The following RCN2 variants were observed in gnomAD, a reference collection of about 807,000 sequenced individuals.
RCN2 encodes the protein reticulocalbin 2.
In RCN2, 23 loss-of-function variants were observed where a neutral mutation model predicts 37.5. The ratio of observed to expected loss-of-function variants is 0.61; its 90% CI spans 0.44 to 0.87. The LOEUF (loss-of-function observed/expected upper bound fraction) is 0.87, where lower values mean the gene tolerates loss of function less well. Among genes scored for constraint, RCN2 ranks in the 40% least tolerant of loss-of-function variants. The probability of loss-of-function intolerance (pLI) is 0.00; values close to 1 mark genes in which losing one functional copy is unlikely to be tolerated. For missense variants in RCN2, 381 were observed against 390.4 expected (o/e 0.98, Z 0.20); for synonymous variants, 140 against 144.6 (o/e 0.97, Z 0.23).
chr15:76,934,526 G>T (rs1250189755), intron 2 of RCN2, among the ~76,000 whole-genome samples: 2 of 152,220 alleles, frequency 1.3e-5, no homozygotes, highest in African/African-American at 4.8e-5. Context: ...AGTTAAGACA[G>T]ATAGCTGTTG....
At chr15:76,937,600 G>A in intron 3 of RCN2, among the ~76,000 whole-genome samples, 1 of 151,896 alleles carries the variant, frequency 6.6e-6, no homozygotes, top group Non-Finnish European at 1.5e-5. Flanking sequence ...TAGAGATGGG[G>A]TTTTACCATC....
intron 4 of RCN2, 121 bp from the exon 5 acceptor site, chr15:76,947,300 A>C: frequency 1.6e-6 from 1 of 623,284 alleles, no homozygotes; most frequent in Non-Finnish European, 2.8e-6. Context: ...TGATTGCACC[A>C]CTAGAGCTCC....
chr15:76,932,052 G>T (rs1389387701), intron 1 of RCN2, 67 bp downstream of exon 1: 8 of 1,233,618 alleles, frequency 6.5e-6, no homozygotes, highest in Non-Finnish European at 8.1e-6. Context: ...GCTTTGTCCC[G>T]GGACAAAGGG....
intron 3 of RCN2, among the ~76,000 whole-genome samples, chr15:76,936,500 A>T (rs1568459245): frequency 6.6e-6 from 1 of 152,116 alleles, no homozygotes; most frequent in Non-Finnish European, 1.5e-5. Flanking sequence ...AGTTCACAGT[A>T]GGGTTTGCAC....
intron 3 of RCN2, among the ~76,000 whole-genome samples, chr15:76,938,153 A>G (rs1042088436): frequency 3.9e-5 from 6 of 152,188 alleles, no homozygotes; most frequent in African/African-American, 7.2e-5. Flanking sequence ...GTCCCAAAAT[A>G]TTAGTCAAGG....
In RCN2 at chr15:76,952,144, A is replaced by G. The variant is rs1261771113; in HGVS notation, c.*2922A>G. 1 of 151,754 alleles carries G rather than the reference A, an allele frequency of 6.6e-6. No homozygotes were observed. The highest frequency in any genetic ancestry group is 1.5e-5 in the Non-Finnish European group (1 of 67,998). 9.4% of individuals were successfully genotyped at this position (151,754 alleles called of 1,614,324 possible). On this transcript the variant is annotated 3_prime_UTR_variant, in exon 7 of 7. Coordinates refer to ENST00000394885, the MANE Select transcript of RCN2 (RefSeq NM_002902.3). ...ACAGCCTCCCCCACTATCCTATCCT[A>G]TATGTCATGAGATAGTACCTACCAG...
At chr15:76,943,580 A>T (rs1197084408) in intron 3 of RCN2, 178 bp from the exon 4 acceptor site, 2 of 471,748 alleles carry the variant, frequency 4.2e-6, no homozygotes, top group Non-Finnish European at 7.7e-6. Flanking sequence ...ATATGACTCT[A>T]GAGCTTGTGA....
intron 1 of RCN2, 21 bp downstream of exon 1, chr15:76,932,006 C>A: frequency 1.6e-6 from 2 of 1,250,528 alleles, no homozygotes; most frequent in South Asian, 3.0e-5. Flanking sequence ...CAGGCCGGTG[C>A]TGGGAGGGCC....
At position 76,931,841 on chromosome 15, in the gene RCN2, G is replaced by T; in HGVS notation, c.-1G>T. ...CTCGGTGTCCTCCGCGGGCCGGCGCGATGCGGCTGGGCCCGAGGACCGCGG... is the reference window on the plus strand; with the variant it reads ...CTCGGTGTCCTCCGCGGGCCGGCGCTATGCGGCTGGGCCCGAGGACCGCGG... On this transcript the variant is annotated 5_prime_UTR_variant, in exon 1 of 7. Transcript: ENST00000394885. The T allele has an allele frequency of 5.7e-6, 7 of 1,232,716 alleles. No homozygotes were observed. The highest frequency in any genetic ancestry group is 7.1e-6 in the Non-Finnish European group (7 of 990,954). 76.4% of individuals were successfully genotyped at this position (1,232,716 alleles called of 1,614,324 possible).
chr15:76,936,884 G>C (rs902303324), intron 3 of RCN2, among the ~76,000 whole-genome samples: 1 of 152,022 alleles, frequency 6.6e-6, no homozygotes, highest in Non-Finnish European at 1.5e-5. Flanking sequence ...CAATCTCCCC[G>C]ACTCTTTTCA....
intron 2 of RCN2, 142 bp downstream of exon 2, chr15:76,932,608 A>G: frequency 3.1e-6 from 2 of 638,724 alleles, no homozygotes; most frequent in Admixed American, 5.2e-5. Flanking sequence ...TAGGCTTTAT[A>G]CTTACAAATC....
At chr15:76,941,203 T>C (rs1324688508) in intron 3 of RCN2, among the ~76,000 whole-genome samples, 1 of 151,962 alleles carries the variant, frequency 6.6e-6, no homozygotes, top group African/African-American at 2.4e-5. Context: ...CCAGCTAATT[T>C]TTTAGTAGAG....
rs2075313727 is a variant in RCN2 at position 76,950,156 on chromosome 15, A to G, written c.*934A>G. On this transcript the variant is annotated 3_prime_UTR_variant, in exon 7 of 7. Coordinates refer to ENST00000394885, the MANE Select transcript of RCN2 (RefSeq NM_002902.3). ...GTGGTTTTGCTCTTTGGGGCTATAAATAATCTTGAGTAACGCAGGTTGGAA... is the reference window on the plus strand; with the variant it reads ...GTGGTTTTGCTCTTTGGGGCTATAAGTAATCTTGAGTAACGCAGGTTGGAA... 6.6e-6 allele frequency: 1 copy of G among 152,162 alleles called. No individual in the cohort carries two copies. The highest frequency in any genetic ancestry group is 2.1e-4 in the South Asian group (1 of 4,826). The allele number at this position is 152,162 out of a possible 1,614,324, so 9.4% of individuals were successfully genotyped here. A position where few individuals can be genotyped will look rare whatever the true frequency, so the allele number is the denominator to read the frequency against.
At chr15:76,948,163 T>A (rs2075303982) in intron 5 of RCN2, 1 of 321,184 alleles carries the variant, frequency 3.1e-6, no homozygotes, top group Non-Finnish European at 5.7e-6. Context: ...AAATAGCAGT[T>A]AACAAAATTA....
Position 76,935,580 on chromosome 15 carries a change from C to A in RCN2, c.305C>A (p.Ala102Glu), listed in dbSNP as rs2075243668. 1 of 1,613,436 alleles carries A rather than the reference C, an allele frequency of 6.2e-7. No individual in the cohort carries two copies. The highest frequency in any genetic ancestry group is 1.1e-5 in the South Asian group (1 of 91,032). ...MSFKHYAMQEAKQQFVEYDKN... is the reference protein window; with the variant it reads ...MSFKHYAMQEEKQQFVEYDKN... ...TTTAAGCATTATGCTATGCAAGAAGCAAAACAACAGTTTGTTGAATATGAT... is the reference window on the plus strand; with the variant it reads ...TTTAAGCATTATGCTATGCAAGAAGAAAAACAACAGTTTGTTGAATATGAT... Residue 102 changes from alanine (A) to glutamate (E), a missense_variant, in exon 3 of 7, where the codon GCA becomes GAA. Physicochemically the swap from Ala to Glu is moderately radical, Grantham distance 107. Transcript: ENST00000394885.
intron 3 of RCN2, among the ~76,000 whole-genome samples, chr15:76,936,840 A>T (rs981006488): frequency 2.6e-5 from 4 of 152,176 alleles, no homozygotes; most frequent in Non-Finnish European, 1.5e-5. Context: ...TGTACAGTTG[A>T]GTAATATTAA....
At chr15:76,941,352 A>AT (rs1189618987) in intron 3 of RCN2, 3 of 240,284 alleles carry the variant, frequency 1.2e-5, no homozygotes, top group East Asian at 1.6e-4. Flanking sequence ...TTTATGTAAG[A>AT]TATAACCTTG....
intron 4 of RCN2, among the ~76,000 whole-genome samples, chr15:76,945,527 TA>T (rs1158483080): frequency 5.9e-5 from 9 of 152,206 alleles, no homozygotes; most frequent in Non-Finnish European, 1.0e-4. Context: ...TCAACAAACA[TA>T]AATTGAGTCC....
Position 76,951,368 on chromosome 15 carries a change from G to A in RCN2, c.*2146G>A, listed in dbSNP as rs188117543. 6.6e-6 allele frequency: 1 copy of A among 152,354 alleles called. No homozygotes were observed. The highest frequency in any genetic ancestry group is 1.9e-4 in the East Asian group (1 of 5,188). 9.4% of individuals were successfully genotyped at this position (152,354 alleles called of 1,614,324 possible). A position where few individuals can be genotyped will look rare whatever the true frequency, so the allele number is the denominator to read the frequency against. ...TGTGCAGGAGGCCTCAGCTGAAATG[G>A]TGCAGCCACAAGATGAAAGTGGCTT... is the stretch of plus-strand genomic sequence containing the variant. On this transcript the variant is annotated 3_prime_UTR_variant, in exon 7 of 7. Transcript: ENST00000394885.
Sources: gnomAD v4.1 joint callset for allele counts (sites outside exome capture counted in the v4.1 genomes callset) on GRCh38, gnomAD v4.1.1 for gene constraint, MANE v1.5 for transcripts, NCBI Gene and HGNC (gene_info 2026-07-23, HGNC 2026-07-21) for gene names.